Variants in GTF2F2 observed in about 807,000 individuals in gnomAD.
GTF2F2 encodes the protein ATP-dependent helicase GTF2F2.
In GTF2F2, 23 loss-of-function variants were observed where a neutral mutation model predicts 42.2. The ratio of observed to expected loss-of-function variants is 0.55; its 90% confidence interval spans 0.39 to 0.77. The LOEUF is 0.77. Ranked by LOEUF, GTF2F2 falls within the 30% of genes least tolerant of loss-of-function variation. The probability of loss-of-function intolerance (pLI) is 0.00; values close to 1 mark genes in which losing one functional copy is unlikely to be tolerated. For synonymous variants in GTF2F2, 105 were observed against 100.8 expected (o/e 1.04, Z -0.25); for missense variants, 261 against 287.2 (o/e 0.91, Z 0.66).
At chr13:45,268,820 A>G (rs1464063707) in intron 7 of GTF2F2, among the ~76,000 whole-genome samples, 2 of 152,186 alleles carry the variant, frequency 1.3e-5, no homozygotes, top group African/African-American at 4.8e-5. Flanking sequence ...TAGGGAAAGC[A>G]GTTTCTTTGC....
At chr13:45,157,689 C>T (rs1870829723) in intron 4 of GTF2F2, among the ~76,000 whole-genome samples, 1 of 152,162 alleles carries the variant, frequency 6.6e-6, no homozygotes, top group Non-Finnish European at 1.5e-5. Flanking sequence ...CCTCCCACCT[C>T]AGCCTCTCGA....
chr13:45,139,361 T>A (rs1437349951), intron 2 of GTF2F2, among the ~76,000 whole-genome samples: 2 of 152,240 alleles, frequency 1.3e-5, no homozygotes, highest in East Asian at 1.9e-4. Context: ...CACCTCTCTC[T>A]CTGTCCACGC....
At chr13:45,223,927 A>G (rs367555030) in intron 5 of GTF2F2, among the ~76,000 whole-genome samples, 1 of 152,206 alleles carries the variant, frequency 6.6e-6, no homozygotes, top group African/African-American at 2.4e-5. Context: ...TGGGTTTTCA[A>G]AATAGTTACT....
intron 6 of GTF2F2, among the ~76,000 whole-genome samples, chr13:45,260,885 G>T (rs1357101408): frequency 6.6e-6 from 1 of 152,050 alleles, no homozygotes; most frequent in Non-Finnish European, 1.5e-5. Flanking sequence ...TTAAAAATTG[G>T]CTGGGTATGG....
intron 4 of GTF2F2, among the ~76,000 whole-genome samples, chr13:45,189,854 A>G (rs116338394): frequency 9.1e-4 from 139 of 152,118 alleles, no homozygotes; most frequent in African/African-American, 3.2e-3. Flanking sequence ...TATACTTTAA[A>G]ATTATACTTT....
At chr13:45,240,101 A>ATTTTTTTTTTTTTTTTT (rs34744288) in intron 5 of GTF2F2, among the ~76,000 whole-genome samples, 3 of 91,104 alleles carry the variant, frequency 3.3e-5, no homozygotes, top group African/African-American at 1.6e-4. Flanking sequence ...ATGTAGAGGG[A>ATTTTTTTTTTTTTTTTT]TTTTTTTTTT....
chr13:45,212,692 A>G (rs1326482040), intron 5 of GTF2F2, among the ~76,000 whole-genome samples: 1 of 151,652 alleles, frequency 6.6e-6, no homozygotes, highest in Non-Finnish European at 1.5e-5. Flanking sequence ...CAGTCTCCCA[A>G]GTAGCTGGGA....
intron 5 of GTF2F2, among the ~76,000 whole-genome samples, chr13:45,234,621 G>C (rs941196402): frequency 1.3e-5 from 2 of 152,018 alleles, no homozygotes; most frequent in African/African-American, 2.4e-5. Flanking sequence ...TCTATCCATG[G>C]GTTCAATATA....
At chr13:45,189,524 G>T (rs1246378007) in intron 4 of GTF2F2, among the ~76,000 whole-genome samples, 1 of 152,220 alleles carries the variant, frequency 6.6e-6, no homozygotes, top group Non-Finnish European at 1.5e-5. Context: ...CACCAACAGT[G>T]TAAAAGCATT....
chr13:45,207,024 A>ACACACACT (rs1222399626), intron 4 of GTF2F2: 1 of 163,224 alleles, frequency 6.1e-6, no homozygotes, highest in African/African-American at 2.4e-5. Context: ...ACACACACAC[A>ACACACACT]CACACACACA....
intron 4 of GTF2F2, among the ~76,000 whole-genome samples, chr13:45,161,504 G>C (rs151196378): frequency 2.0e-5 from 3 of 152,230 alleles, no homozygotes; most frequent in African/African-American, 7.2e-5. Context: ...AACCTCATGC[G>C]TAACACTGAA....
At chr13:45,270,825 A>T (rs1876757318) in intron 7 of GTF2F2, among the ~76,000 whole-genome samples, 1 of 152,230 alleles carries the variant, frequency 6.6e-6, no homozygotes, top group African/African-American at 2.4e-5. Context: ...ATAGAAGCAT[A>T]TATAGTGTTT....
chr13:45,241,907 T>C (rs1875332759), intron 5 of GTF2F2, among the ~76,000 whole-genome samples: 1 of 152,212 alleles, frequency 6.6e-6, no homozygotes, highest in Admixed American at 6.5e-5. Flanking sequence ...AATAAATATT[T>C]GTAAGAGATG....
At chr13:45,229,579 T>C (rs923015047) in intron 5 of GTF2F2, among the ~76,000 whole-genome samples, 1 of 152,016 alleles carries the variant, frequency 6.6e-6, no homozygotes, top group African/African-American at 2.4e-5. Context: ...TAATATTTAA[T>C]AGAAATTAGA....
chr13:45,134,903 A>T (rs1441504148), intron 1 of GTF2F2, among the ~76,000 whole-genome samples: 2 of 151,556 alleles, frequency 1.3e-5, no homozygotes, highest in African/African-American at 2.4e-5. Context: ...ATGAAACAGG[A>T]TAGTGGATGT....
At chr13:45,247,423 GTC>G (rs1403678117) in intron 5 of GTF2F2, among the ~76,000 whole-genome samples, 1 of 151,360 alleles carries the variant, frequency 6.6e-6, no homozygotes, top group Non-Finnish European at 1.5e-5. Flanking sequence ...TTGAGATGGA[GTC>G]TCTGTCACCC....
At chr13:45,185,839 C>A (rs983043431) in intron 4 of GTF2F2, among the ~76,000 whole-genome samples, 1 of 152,128 alleles carries the variant, frequency 6.6e-6, no homozygotes, top group African/African-American at 2.4e-5. Flanking sequence ...CCATACACAG[C>A]TATGCACAGT....
intron 4 of GTF2F2, among the ~76,000 whole-genome samples, chr13:45,190,743 T>TTTTTTG (rs929289361): frequency 7.2e-5 from 11 of 151,896 alleles, no homozygotes; most frequent in Non-Finnish European, 1.3e-4. Flanking sequence ...TTGTGGGGGT[T>TTTTTTG]TTTTTGTTTT....
chr13:45,197,776 A>G (rs555076970), intron 4 of GTF2F2, among the ~76,000 whole-genome samples: 5 of 152,222 alleles, frequency 3.3e-5, no homozygotes, highest in Admixed American at 2.6e-4. Context: ...CCCTAAAACT[A>G]TAAAAATGGT....
Sources: gnomAD v4.1 joint callset for allele counts (sites outside exome capture counted in the v4.1 genomes callset) on GRCh38, gnomAD v4.1.1 for gene constraint, MANE v1.5 for transcripts, NCBI Gene and HGNC (gene_info 2026-07-23, HGNC 2026-07-21) for gene names.